The following SNX24 variants were observed in gnomAD, a reference collection of about 807,000 sequenced individuals.
SNX24 encodes the protein sorting nexin 24.
Under a neutral mutation model 28.7 loss-of-function variants are expected in SNX24, and 22 were observed. That is an observed-to-expected ratio of 0.77 (90% CI 0.55 to 1.10). The LOEUF (loss-of-function observed/expected upper bound fraction) is 1.10. Ranked by LOEUF, SNX24 falls within the 50% of genes least tolerant of loss-of-function variation. The pLI, the probability that SNX24 is intolerant of heterozygous loss-of-function variation, is 0.00. For missense variants in SNX24, 221 were observed against 201.1 expected, an observed-to-expected ratio of 1.10 and a Z score of -0.60; for synonymous variants, 69 against 71.5, an observed-to-expected ratio of 0.96 and a Z score of 0.18.
chr5:122,933,426 T>C (rs914102392), intron 1 of SNX24, among the ~76,000 whole-genome samples: 5 of 152,206 alleles, frequency 3.3e-5, no homozygotes, highest in Non-Finnish European at 7.3e-5. Flanking sequence ...TTCTCCATAC[T>C]CCCAGCTCCC....
chr5:122,972,224 G>A (rs1243219254), intron 3 of SNX24, among the ~76,000 whole-genome samples: 1 of 152,176 alleles, frequency 6.6e-6, no homozygotes, highest in African/African-American at 2.4e-5. Context: ...CCTGGTGGCA[G>A]CATTCCTCCC....
chr5:122,867,090 A>G (rs1321855471), intron 1 of SNX24, among the ~76,000 whole-genome samples: 2 of 152,228 alleles, frequency 1.3e-5, no homozygotes, highest in East Asian at 1.9e-4. Context: ...GAGCATATAT[A>G]GCCTTGGGAA....
chr5:122,934,448 C>T (rs1401356337), intron 1 of SNX24, among the ~76,000 whole-genome samples: 1 of 152,138 alleles, frequency 6.6e-6, no homozygotes, highest in Non-Finnish European at 1.5e-5. Flanking sequence ...CAACCTCTGC[C>T]TCCTAGGTTC....
At chr5:122,932,291 G>A (rs908345101) in intron 1 of SNX24, among the ~76,000 whole-genome samples, 9 of 152,096 alleles carry the variant, frequency 5.9e-5, no homozygotes, top group Non-Finnish European at 1.2e-4. Flanking sequence ...TTTATACAGA[G>A]GGGATTTCTG....
chr5:123,006,870 T>C (rs1166930305), intron 6 of SNX24, among the ~76,000 whole-genome samples: 1 of 152,244 alleles, frequency 6.6e-6, no homozygotes, highest in Admixed American at 6.5e-5. Context: ...GCTAGATGCA[T>C]ATTTTTTTTC....
intron 1 of SNX24, among the ~76,000 whole-genome samples, chr5:122,884,251 C>CTTTTTTTTTTT (rs758617172): frequency 5.4e-5 from 5 of 92,748 alleles, no homozygotes; most frequent in Admixed American, 1.5e-4. Flanking sequence ...GTTTCTTTTT[C>CTTTTTTTTTTT]TTTTTTTTTT....
chr5:122,863,894 C>T lies in SNX24; in HGVS notation c.60+18201C>T, dbSNP rs551961164. ...CTTTGGGAAGTAGGAGGCAGAGGAGCGACGTGATTCAGTGGCACTGTTCCC... is the reference window on the plus strand; with the variant it reads ...CTTTGGGAAGTAGGAGGCAGAGGAGTGACGTGATTCAGTGGCACTGTTCCC... On this transcript the variant is annotated intron_variant, in intron 1 of 6. Transcript: ENST00000261369. Among the ~76,000 whole-genome samples, 47 of 151,016 alleles carry T rather than the reference C, an allele frequency of 3.1e-4. 1 individual carries two copies. The highest frequency in any genetic ancestry group is 3.4e-3 in the Middle Eastern group (1 of 292).
At position 123,002,013 on chromosome 5, in the gene SNX24, A is replaced by T; in HGVS notation, c.442+9A>T. 6.2e-7 allele frequency: 1 copy of T among 1,609,734 alleles called. No homozygotes were observed. Among genetic ancestry groups the T allele is most frequent in the South Asian group, 1.1e-5 (1 of 90,994 alleles). ...CTTGCCTGCAGCCAGCGGTAATCAA[A>T]CCTGTCATCTGCTAACAGCTCTTTA... On this transcript the variant is annotated intron_variant, in intron 6 of 6. Transcript: ENST00000261369.
At chr5:122,875,590 G>T (rs1033501114) in intron 1 of SNX24, among the ~76,000 whole-genome samples, 1 of 152,222 alleles carries the variant, frequency 6.6e-6, no homozygotes, top group Admixed American at 6.5e-5. Context: ...ATGTAATGGA[G>T]ATAATAAATG....
At chr5:122,919,662 A>G (rs1758333612) in intron 1 of SNX24, among the ~76,000 whole-genome samples, 1 of 152,166 alleles carries the variant, frequency 6.6e-6, no homozygotes, top group Non-Finnish European at 1.5e-5. Flanking sequence ...AATAATTAAA[A>G]CTAAAATATA....
intron 3 of SNX24, among the ~76,000 whole-genome samples, chr5:122,948,283 C>T (rs1759778279): frequency 6.6e-6 from 1 of 152,122 alleles, no homozygotes; most frequent in African/African-American, 2.4e-5. Context: ...ACTGTTTCTT[C>T]TGCTTGCTTA....
intron 1 of SNX24, among the ~76,000 whole-genome samples, chr5:122,892,185 C>T (rs973975970): frequency 1.3e-5 from 2 of 152,046 alleles, no homozygotes; most frequent in African/African-American, 4.8e-5. Context: ...CCCTTAGTCT[C>T]TCTCTTTCTC....
At chr5:122,920,889 T>C (rs756432078) in intron 1 of SNX24, among the ~76,000 whole-genome samples, 2 of 152,134 alleles carry the variant, frequency 1.3e-5, no homozygotes, top group Non-Finnish European at 2.9e-5. Flanking sequence ...TCTTAAACAT[T>C]AACTTTTTTT....
At chr5:122,964,247 CAAAAA>C (rs34174497) in intron 3 of SNX24, among the ~76,000 whole-genome samples, 32 of 36,580 alleles carry the variant, frequency 8.7e-4, no homozygotes, top group Non-Finnish European at 1.1e-3. Flanking sequence ...GACTCCATCT[CAAAAA>C]AAAAAAAAAA....
chr5:122,994,260 G>A (rs577777174), intron 3 of SNX24, among the ~76,000 whole-genome samples: 1 of 152,294 alleles, frequency 6.6e-6, no homozygotes, highest in Admixed American at 6.5e-5. Context: ...GTTCTCAGTG[G>A]AGATGTGTCA....
chr5:122,884,259 T>TTC, intron 1 of SNX24, among the ~76,000 whole-genome samples: 1 of 144,670 alleles, frequency 6.9e-6, no homozygotes, highest in East Asian at 2.0e-4. Context: ...TTCTTTTTTT[T>TTC]TTTTTTTTTT....
chr5:122,871,429 C>T (rs967507710), intron 1 of SNX24, among the ~76,000 whole-genome samples: 3 of 152,086 alleles, frequency 2.0e-5, no homozygotes, highest in African/African-American at 4.8e-5. Flanking sequence ...ATTCTGATTC[C>T]GCAAAAGTGC....
At chr5:123,018,978 C>A (rs1038964800) in intron 5 of SNX24, among the ~76,000 whole-genome samples, 1 of 152,066 alleles carries the variant, frequency 6.6e-6, no homozygotes, top group African/African-American at 2.4e-5. Context: ...AGCCACCGCG[C>A]CTGGCCTAGG....
intron 6 of SNX24, among the ~76,000 whole-genome samples, chr5:123,005,675 G>A (rs756739563): frequency 3.9e-5 from 6 of 152,092 alleles, no homozygotes; most frequent in Admixed American, 2.0e-4. Context: ...GTCTGCCACC[G>A]TCATGTAATA....
Sources: allele counts gnomAD v4.1 joint callset (sites outside exome capture counted in the v4.1 genomes callset), GRCh38; gene constraint gnomAD v4.1.1; transcripts MANE v1.5; gene names NCBI Gene and HGNC (gene_info 2026-07-23, HGNC 2026-07-21).